Variants in RBFOX1 observed in about 807,000 individuals in gnomAD.
The protein encoded by RBFOX1 is RNA binding fox-1 homolog 1.
RBFOX1 carries 8 observed loss-of-function variants against 57.7 expected under a neutral mutation model. The observed-to-expected ratio is 0.14, with a 90% confidence interval of 0.08 to 0.25. RBFOX1 has a LOEUF of 0.25. RBFOX1 is among the 10% of genes least tolerant of loss of function. The probability of loss-of-function intolerance (pLI) is 1.00; values close to 1 mark genes in which losing one functional copy is unlikely to be tolerated. For synonymous variants in RBFOX1, 326 were observed against 222.4 expected (o/e 1.47, Z -4.15); for missense variants, 611 against 548.5 (o/e 1.11, Z -1.14).
chr16:6,368,764 A>G (rs1469726494), intron 2 of RBFOX1, among the ~76,000 whole-genome samples: 1 of 152,236 alleles, frequency 6.6e-6, no homozygotes, highest in East Asian at 1.9e-4. Flanking sequence ...TCAATAGGTA[A>G]GAGAGGAAGA....
rs199823701 is a variant in RBFOX1 at position 6,658,639 on chromosome 16, A to C, written c.-16+3989A>C. Among the ~76,000 whole-genome samples the C allele has an allele frequency of 3.3e-5, 5 of 152,152 alleles. No homozygotes were observed. The East Asian group carries it at 5.8e-4, about 18-fold the overall frequency. On this transcript the variant is annotated intron_variant, in intron 3 of 15. Transcript: ENST00000550418. ...CTGTTTTTCTATTTTTCTTTATCCC[A>C]GAAGCCTATTTTCTCTCAGGCTGAC...
At chr16:5,359,565 G>T (rs934176861) in intron 1 of RBFOX1, among the ~76,000 whole-genome samples, 1 of 152,180 alleles carries the variant, frequency 6.6e-6, no homozygotes, top group African/African-American at 2.4e-5. Context: ...GATGGTTAGG[G>T]ATGTTGAGCA....
chr16:6,146,491 C>A (rs1229330364), intron 1 of RBFOX1, among the ~76,000 whole-genome samples: 1 of 152,046 alleles, frequency 6.6e-6, no homozygotes, highest in Non-Finnish European at 1.5e-5. Context: ...GGTAAAACCC[C>A]CTCTAGTTAT....
chr16:6,063,291 T>A (rs1353799080), intron 1 of RBFOX1, among the ~76,000 whole-genome samples: 1 of 152,052 alleles, frequency 6.6e-6, no homozygotes, highest in East Asian at 1.9e-4. Flanking sequence ...TGAGTTTCAA[T>A]TGAGTCTCCC....
At chr16:5,489,366 C>T (rs886197540) in intron 2 of RBFOX1, among the ~76,000 whole-genome samples, 2 of 152,238 alleles carry the variant, frequency 1.3e-5, no homozygotes, top group African/African-American at 4.8e-5. Flanking sequence ...ATGTCCAGGG[C>T]TCACCTCAAA....
At chr16:7,363,284 G>C (rs1195217930) in intron 4 of RBFOX1, among the ~76,000 whole-genome samples, 1 of 152,138 alleles carries the variant, frequency 6.6e-6, no homozygotes, top group African/African-American at 2.4e-5. Context: ...AACCTGTCAA[G>C]CTGTTGAGAA....
At chr16:7,408,211 C>T (rs947797935) in intron 4 of RBFOX1, among the ~76,000 whole-genome samples, 1 of 152,140 alleles carries the variant, frequency 6.6e-6, no homozygotes, top group Non-Finnish European at 1.5e-5. Context: ...ATAAAAGTCT[C>T]AAGTTAAGGG....
chr16:7,072,099 T>C (rs553655026), intron 4 of RBFOX1, among the ~76,000 whole-genome samples: 7 of 152,320 alleles, frequency 4.6e-5, no homozygotes, highest in Admixed American at 1.3e-4. Context: ...TTTGTTCCTT[T>C]TACGGTAAAC....
intron 2 of RBFOX1, among the ~76,000 whole-genome samples, chr16:5,520,492 T>C (rs984352559): frequency 6.6e-6 from 1 of 152,198 alleles, no homozygotes; most frequent in Admixed American, 6.5e-5. Flanking sequence ...GAAATGAAAC[T>C]GTTCTGGGGT....
At chr16:6,911,202 C>CAAA (rs34017800) in intron 3 of RBFOX1, among the ~76,000 whole-genome samples, 1 of 138,766 alleles carries the variant, frequency 7.2e-6, no homozygotes, top group African/African-American at 2.6e-5. Context: ...AATTGTGTCT[C>CAAA]AAAAAAAAAA....
chr16:6,433,499 C>G (rs755001862), intron 2 of RBFOX1, among the ~76,000 whole-genome samples: 4 of 152,198 alleles, frequency 2.6e-5, no homozygotes, highest in Admixed American at 6.5e-5. Flanking sequence ...ACTCGCTATT[C>G]TCAGAATTTC....
chr16:7,063,279 G>T (rs976252378), intron 4 of RBFOX1, among the ~76,000 whole-genome samples: 15 of 152,048 alleles, frequency 9.9e-5, no homozygotes, highest in Non-Finnish European at 1.9e-4. Flanking sequence ...GTCCTTCCCT[G>T]TAGGAGTAAG....
rs185149450 is a variant in RBFOX1, at chr16:7,232,922, C to A, written c.27+180824C>A. On this transcript the variant is annotated intron_variant, in intron 4 of 15. Coordinates refer to ENST00000550418, the MANE Select transcript of RBFOX1 (RefSeq NM_018723.4). The stretch of plus-strand genomic sequence containing the variant: ...TTACCTAGCACATGATGTTAGCAAA[C>A]CCTGTCAAATTTGTATTCCCATATT... Among the ~76,000 whole-genome samples the A allele has an allele frequency of 2.0e-5, 3 of 151,522 alleles. No individual in the cohort carries two copies. The East Asian group carries it at 5.9e-4, about 30-fold the overall frequency.
intron 3 of RBFOX1, among the ~76,000 whole-genome samples, chr16:6,828,161 G>A (rs1470213014): frequency 6.6e-6 from 1 of 152,170 alleles, no homozygotes. Flanking sequence ...GAAGGCCAGT[G>A]ACTCACAGAT....
intron 3 of RBFOX1, among the ~76,000 whole-genome samples, chr16:5,701,527 A>G (rs988459816): frequency 9.2e-5 from 14 of 151,882 alleles, no homozygotes; most frequent in Admixed American, 2.0e-4. Context: ...ACTGCTACCT[A>G]TGCCTCCTGG....
intron 1 of RBFOX1, among the ~76,000 whole-genome samples, chr16:6,022,980 G>T (rs1465105869): frequency 6.6e-6 from 1 of 152,122 alleles, no homozygotes; most frequent in Non-Finnish European, 1.5e-5. Context: ...TACTGCATGA[G>T]GGATTCGGGG....
At chr16:6,813,060 G>A (rs1388700579) in intron 3 of RBFOX1, among the ~76,000 whole-genome samples, 2 of 151,776 alleles carry the variant, frequency 1.3e-5, no homozygotes, top group African/African-American at 4.8e-5. Flanking sequence ...GTCAAACAAT[G>A]CTGATGTATA....
chr16:7,323,144 A>T (rs1398222392), intron 4 of RBFOX1, among the ~76,000 whole-genome samples: 3 of 152,156 alleles, frequency 2.0e-5, no homozygotes, highest in African/African-American at 2.4e-5. Context: ...CCAAGCTAAG[A>T]CTGGGCACAT....
intron 4 of RBFOX1, among the ~76,000 whole-genome samples, chr16:7,341,603 G>A (rs959829683): frequency 6.6e-6 from 1 of 152,142 alleles, no homozygotes; most frequent in African/African-American, 2.4e-5. Context: ...ACTCAAGACA[G>A]GTTTATGCAC....
Sources: allele counts gnomAD v4.1 joint callset (sites outside exome capture counted in the v4.1 genomes callset), GRCh38; gene constraint gnomAD v4.1.1; transcripts MANE v1.5; gene names NCBI Gene and HGNC (gene_info 2026-07-23, HGNC 2026-07-21).